Variants in NUDC observed in about 807,000 individuals in gnomAD.
NUDC encodes the protein nuclear distribution C, dynein complex regulator, also known as nuclear migration protein nudC.
Under a neutral mutation model 45.0 loss-of-function variants are expected in NUDC, and 14 were observed. The ratio of observed to expected loss-of-function variants is 0.31; its 90% CI spans 0.21 to 0.49. The LOEUF (loss-of-function observed/expected upper bound fraction) is 0.49. NUDC is among the 20% of genes least tolerant of loss of function. The probability of loss-of-function intolerance (pLI) is 0.99; values close to 1 mark genes in which losing one functional copy is unlikely to be tolerated. For missense variants in NUDC, 323 were observed against 426.2 expected, an observed-to-expected ratio of 0.76 and a Z score of 2.13; for synonymous variants, 153 against 156.7, an observed-to-expected ratio of 0.98 and a Z score of 0.17.
intron 3 of NUDC, among the ~76,000 whole-genome samples, chr1:26,916,251 G>T (rs2082061409): frequency 6.6e-6 from 1 of 151,942 alleles, no homozygotes; most frequent in Non-Finnish European, 1.5e-5. Flanking sequence ...AGCCAGTGTG[G>T]TGGGGCATAT....
rs572410916 is a variant in NUDC at position 26,946,186 on chromosome 1, T to C, written c.*5T>C. On this transcript the variant is annotated 3_prime_UTR_variant, in exon 9 of 9. Coordinates refer to ENST00000321265, the MANE Select transcript of NUDC (RefSeq NM_006600.4). ...TCCAAGGCTAAATTCAACTAGCCCC[T>C]GTTTTTTCCTCCCTGAACTCTTGGG... 13 of 1,611,186 alleles carry C rather than the reference T, an allele frequency of 8.1e-6. No homozygotes were observed. The East Asian group carries it at 8.9e-5, about 11-fold the overall frequency.
At chr1:26,945,034 C>T (rs1196941388) in intron 6 of NUDC, 4 of 310,034 alleles carry the variant, frequency 1.3e-5, no homozygotes, top group African/African-American at 6.4e-5. Flanking sequence ...AAGAACAAGA[C>T]TCCATCTCAA....
chr1:26,930,745 G>C (rs1041086718), intron 2 of NUDC, among the ~76,000 whole-genome samples: 1 of 151,410 alleles, frequency 6.6e-6, no homozygotes, highest in Non-Finnish European at 1.5e-5. Context: ...GGCTGGGCAC[G>C]GTGGCTCACA....
intron 1 of NUDC, chr1:26,902,242 T>C (rs1460503200): frequency 6.6e-6 from 1 of 152,194 alleles, no homozygotes; most frequent in Non-Finnish European, 1.5e-5. Flanking sequence ...CACTGATCAG[T>C]TGGAACAAAC....
At chr1:26,941,412 A>G in intron 2 of NUDC, 45 bp from the exon 3 acceptor site, 1 of 1,597,354 alleles carries the variant, frequency 6.3e-7, no homozygotes, top group Non-Finnish European at 8.5e-7. Context: ...GCTGTGGGAC[A>G]CTGTCCCCTG....
At chr1:26,926,873 AC>A (rs2124102791) in intron 2 of NUDC, among the ~76,000 whole-genome samples, 1 of 152,340 alleles carries the variant, frequency 6.6e-6, no homozygotes, top group South Asian at 2.1e-4. Context: ...TGCTGGGATT[AC>A]AGGCGTGAGC....
At chr1:26,920,255 C>T (rs1300741073), upstream of NUDC, among the ~76,000 whole-genome samples, 2 of 151,942 alleles carry the variant, frequency 1.3e-5, no homozygotes, top group African/African-American at 2.4e-5. Context: ...GTTGCGAGGC[C>T]GAGGCAGGTG....
In NUDC at chr1:26,926,039, G is replaced by A. The variant is rs559575611; in HGVS notation, c.159+1873G>A. On this transcript the variant is annotated intron_variant, in intron 2 of 8. Transcript: ENST00000321265. ...GCCCAGCCTTTTTTTTTTTTGAGAC[G>A]GAGTCCCGCTCTTTTTATCCAGGCT... Among the ~76,000 whole-genome samples the A allele has an allele frequency of 6.0e-5, 9 of 150,408 alleles. No individual in the cohort carries two copies. In the South Asian group the frequency reaches 1.3e-3, roughly 21 times the overall value.
intron 2 of NUDC, among the ~76,000 whole-genome samples, chr1:26,932,958 T>C (rs1052690071): frequency 1.8e-4 from 27 of 151,106 alleles, no homozygotes; most frequent in African/African-American, 6.1e-4. Flanking sequence ...TATATGTATA[T>C]ATCACAATTT....
chr1:26,929,957 G>A (rs2082167094), intron 2 of NUDC, among the ~76,000 whole-genome samples: 1 of 152,148 alleles, frequency 6.6e-6, no homozygotes, highest in African/African-American at 2.4e-5. Context: ...CCAGGAGGCG[G>A]AGGTTTCAGT....
At chr1:26,900,538 T>C (rs2081973198) in intron 1 of NUDC, 2 of 1,015,430 alleles carry the variant, frequency 2.0e-6, no homozygotes, top group East Asian at 2.5e-5. Context: ...AAATTCTAAC[T>C]AGTCCTTTGG....
In NUDC at chr1:26,924,147, A is replaced by C. The variant is rs747446963; in HGVS notation, c.140A>C (p.Glu47Ala). ...RRKTDFFIGGEEGMAEKLITQ... is the reference protein window; with the variant it reads ...RRKTDFFIGGAEGMAEKLITQ... ...AAAACAGACTTTTTCATTGGAGGAG[A>C]AGAAGGGATGGCAGAGAAGGTAAGT... Residue 47 changes from glutamate to alanine, a missense_variant, in exon 2 of 9, where the codon GAA (glutamate) becomes GCA (alanine). By Grantham distance (107) the Glu-to-Ala change is moderately radical. Coordinates refer to ENST00000321265, the MANE Select transcript of NUDC (RefSeq NM_006600.4). 1 of 1,614,060 alleles carries C rather than the reference A, an allele frequency of 6.2e-7. No individual in the cohort carries two copies. The highest frequency in any genetic ancestry group is 2.2e-5 in the East Asian group (1 of 44,884).
intron 2 of NUDC, among the ~76,000 whole-genome samples, chr1:26,932,182 C>CTT (rs879725360): frequency 7.0e-6 from 1 of 141,970 alleles, no homozygotes; most frequent in African/African-American, 2.6e-5. Context: ...TTTTCTTTTT[C>CTT]TTTTTTTTTT....
At chr1:26,945,313 G>T in intron 6 of NUDC, 77 bp from the exon 7 acceptor site, 3 of 1,172,562 alleles carry the variant, frequency 2.6e-6, no homozygotes, top group Non-Finnish European at 3.8e-6. Flanking sequence ...GAGAGAGTTT[G>T]GTTGTGAAAG....
intron 3 of NUDC, chr1:26,911,815 C>A: frequency 6.2e-7 from 1 of 1,613,990 alleles, no homozygotes; most frequent in South Asian, 1.1e-5. Context: ...CAGCCTCTGC[C>A]CACCTGATCT....
chr1:26,910,914 G>A (rs1415563743), intron 2 of NUDC, among the ~76,000 whole-genome samples: 1 of 152,210 alleles, frequency 6.6e-6, no homozygotes, highest in African/African-American at 2.4e-5. Flanking sequence ...GGGGCAGAGG[G>A]GCAGGGAAGG....
At chr1:26,946,024 G>C (rs1557683301) in intron 8 of NUDC, 106 bp from the exon 9 acceptor site, 1 of 1,110,610 alleles carries the variant, frequency 9.0e-7, no homozygotes, top group Non-Finnish European at 1.4e-6. Context: ...GCCTGGCTTG[G>C]TGTTGCTGAG....
chr1:26,930,828 C>A (rs564420704), intron 2 of NUDC, among the ~76,000 whole-genome samples: 1 of 151,604 alleles, frequency 6.6e-6, no homozygotes, highest in South Asian at 2.1e-4. Flanking sequence ...ACCAGCCTGG[C>A]CAAATGGTGA....
chr1:26,945,005 G>A (rs1025971039), intron 6 of NUDC: 2 of 265,968 alleles, frequency 7.5e-6, no homozygotes, highest in Non-Finnish European at 1.5e-5. Context: ...TGGTGCCACA[G>A]CACTCCAGCC....
Sources: gnomAD v4.1 joint callset for allele counts (sites outside exome capture counted in the v4.1 genomes callset) on GRCh38, gnomAD v4.1.1 for gene constraint, MANE v1.5 for transcripts, NCBI Gene and HGNC (gene_info 2026-07-23, HGNC 2026-07-21) for gene names.